MARCHF1: variants seen among roughly 807,000 people sequenced by gnomAD.
MARCHF1 encodes the protein E3 ubiquitin-protein ligase MARCHF1.
MARCHF1 carries 40 observed loss-of-function variants against 54.2 expected under a neutral mutation model. The ratio of observed to expected loss-of-function variants is 0.74; its 90% CI spans 0.57 to 0.96. MARCHF1 has a LOEUF of 0.96. Among genes scored for constraint, MARCHF1 ranks in the 40% least tolerant of loss-of-function variants. The probability of loss-of-function intolerance (pLI) is 0.00; values close to 1 mark genes in which losing one functional copy is unlikely to be tolerated. For missense variants in MARCHF1, 586 were observed against 656.5 expected (o/e 0.89, Z 1.17); for synonymous variants, 236 against 236.3 (o/e 1.00, Z 0.01).
At chr4:163,929,725 C>G (rs991876040) in intron 3 of MARCHF1, among the ~76,000 whole-genome samples, 7 of 150,504 alleles carry the variant, frequency 4.7e-5, no homozygotes, top group Non-Finnish European at 1.0e-4. Flanking sequence ...GTAGAAATAA[C>G]CATCTACTCC....
chr4:164,126,842 G>A (rs1317459044), intron 1 of MARCHF1, among the ~76,000 whole-genome samples: 2 of 152,114 alleles, frequency 1.3e-5, no homozygotes, highest in African/African-American at 2.4e-5. Flanking sequence ...CATCACTTGA[G>A]GTCAGGAGCT....
At chr4:164,258,670 C>T (rs983449798) in intron 1 of MARCHF1, among the ~76,000 whole-genome samples, 1 of 152,018 alleles carries the variant, frequency 6.6e-6, no homozygotes, top group Non-Finnish European at 1.5e-5. Flanking sequence ...TTTATACAGA[C>T]ATTTTATAAT....
intron 1 of MARCHF1, among the ~76,000 whole-genome samples, chr4:164,237,380 GT>G (rs1560967392): frequency 1.3e-5 from 2 of 151,980 alleles, no homozygotes. Flanking sequence ...TCATGCTTTT[GT>G]TTGCTTGGCA....
intron 2 of MARCHF1, among the ~76,000 whole-genome samples, chr4:164,048,982 C>A (rs1339339508): frequency 6.6e-6 from 1 of 152,050 alleles, no homozygotes; most frequent in Non-Finnish European, 1.5e-5. Context: ...TATTAGAGGC[C>A]AATTTAACAC....
intron 1 of MARCHF1, among the ~76,000 whole-genome samples, chr4:164,310,950 T>C (rs1379803124): frequency 6.6e-6 from 1 of 152,178 alleles, no homozygotes; most frequent in Admixed American, 6.5e-5. Flanking sequence ...AACCTACTTC[T>C]AAGATTGTGT....
At chr4:164,063,780 T>C (rs1754669986) in intron 2 of MARCHF1, among the ~76,000 whole-genome samples, 1 of 152,232 alleles carries the variant, frequency 6.6e-6, no homozygotes, top group African/African-American at 2.4e-5. Flanking sequence ...AACTGTGTTA[T>C]AGCAAATATT....
intron 4 of MARCHF1, among the ~76,000 whole-genome samples, chr4:163,701,753 C>A (rs12512943): frequency 6.6e-6 from 1 of 151,836 alleles, no homozygotes; most frequent in Admixed American, 6.6e-5. Flanking sequence ...GTTGTTGGAA[C>A]AATCAATTCT....
At chr4:163,947,412 T>C (rs559446201) in intron 3 of MARCHF1, among the ~76,000 whole-genome samples, 1 of 152,250 alleles carries the variant, frequency 6.6e-6, no homozygotes, top group South Asian at 2.1e-4. Flanking sequence ...TCTGAAAATG[T>C]AATGAAGTTA....
chr4:164,098,969 G>A (rs7698362), intron 2 of MARCHF1, among the ~76,000 whole-genome samples: 127,748 of 152,194 alleles, frequency 0.84, 54,129 homozygotes, highest in Non-Finnish European at 0.89. Context: ...ATTGCAAAGC[G>A]GAAAAGATTA....
At chr4:164,005,055 C>A (rs770885317) in intron 2 of MARCHF1, among the ~76,000 whole-genome samples, 1 of 151,796 alleles carries the variant, frequency 6.6e-6, no homozygotes, top group Non-Finnish European at 1.5e-5. Flanking sequence ...GAAGCTGATT[C>A]TTTGAAAAGA....
intron 3 of MARCHF1, among the ~76,000 whole-genome samples, chr4:163,916,719 A>C (rs910882697): frequency 2.0e-4 from 30 of 152,102 alleles, no homozygotes; most frequent in Non-Finnish European, 3.8e-4. Context: ...TTCACAGCAC[A>C]ACTGAGCAGA....
At chr4:164,119,367 A>G (rs763011638) in intron 1 of MARCHF1, among the ~76,000 whole-genome samples, 4 of 151,562 alleles carry the variant, frequency 2.6e-5, no homozygotes, top group Non-Finnish European at 4.4e-5. Flanking sequence ...GCAATAATCA[A>G]AAGAAATACA....
intron 3 of MARCHF1, among the ~76,000 whole-genome samples, chr4:163,952,579 G>A (rs1350710467): frequency 6.6e-6 from 1 of 152,256 alleles, no homozygotes; most frequent in Non-Finnish European, 1.5e-5. Context: ...CTGTATTAAT[G>A]AGACATTCAC....
intron 4 of MARCHF1, among the ~76,000 whole-genome samples, chr4:163,769,944 C>A (rs937383793): frequency 6.6e-6 from 1 of 152,068 alleles, no homozygotes; most frequent in Non-Finnish European, 1.5e-5. Context: ...GACTAACCCC[C>A]CTTTTCCTTT....
At chr4:163,691,101 T>G (rs1312965043) in intron 5 of MARCHF1, among the ~76,000 whole-genome samples, 1 of 152,188 alleles carries the variant, frequency 6.6e-6, no homozygotes, top group Non-Finnish European at 1.5e-5. Context: ...CCTGAGGGAT[T>G]TAGCTCCATT....
intron 8 of MARCHF1, among the ~76,000 whole-genome samples, chr4:163,560,702 A>G (rs971444013): frequency 6.6e-6 from 1 of 152,072 alleles, no homozygotes; most frequent in African/African-American, 2.4e-5. Flanking sequence ...TCTCTCAACA[A>G]TGTTTTGTAG....
At chr4:164,222,729 G>T (rs572857173) in intron 1 of MARCHF1, among the ~76,000 whole-genome samples, 1 of 151,978 alleles carries the variant, frequency 6.6e-6, no homozygotes, top group Non-Finnish European at 1.5e-5. Context: ...ATATTTTGAT[G>T]GTAGTTTTAG....
Position 164,114,511 on chromosome 4 carries a change from ATTG to A in MARCHF1, c.-322-2852_-322-2850del, listed in dbSNP as rs571420714. Among the ~76,000 whole-genome samples the A allele has an allele frequency of 1.7e-3, 252 of 151,848 alleles. 1 individual carries two copies. The highest frequency in any genetic ancestry group is 5.7e-3 in the African/African-American group (235 of 41,542). ...ATGACCCATTCTTTAAATGACAGGA[ATTG>A]TTAATATTTAGTGCAGAAATTTAAT... On this transcript the variant is annotated intron_variant, in intron 1 of 9. Transcript: ENST00000514618.
intron 7 of MARCHF1, among the ~76,000 whole-genome samples, chr4:163,604,391 C>T (rs1463202598): frequency 2.6e-5 from 4 of 152,044 alleles, no homozygotes; most frequent in Non-Finnish European, 5.9e-5. Context: ...AACCTGAAAG[C>T]CGATTATATA....
Sources: gnomAD v4.1 joint callset for allele counts (sites outside exome capture counted in the v4.1 genomes callset) on GRCh38, gnomAD v4.1.1 for gene constraint, MANE v1.5 for transcripts, NCBI Gene and HGNC (gene_info 2026-07-23, HGNC 2026-07-21) for gene names.